ZNF536: variants seen among roughly 807,000 people sequenced by gnomAD.
ZNF536 encodes zinc finger protein 536.
Under a neutral mutation model 84.5 loss-of-function variants are expected in ZNF536, and 13 were observed. That is an observed-to-expected ratio of 0.15 (90% CI 0.10 to 0.24). The LOEUF is 0.24. ZNF536 is among the 10% of genes least tolerant of loss of function. The pLI is 1.00. For synonymous variants in ZNF536, 811 were observed against 742.5 expected (o/e 1.09, Z -1.50); for missense variants, 1,536 against 1,747.5 (o/e 0.88, Z 2.16).
chr19:30,273,538 T>C (rs766530659), intron 1 of ZNF536, among the ~76,000 whole-genome samples: 14 of 152,242 alleles, frequency 9.2e-5, no homozygotes, highest in Non-Finnish European at 1.6e-4. Context: ...TATATCTTCT[T>C]TGGGGACGTA....
chr19:30,393,196 G>A (rs2049672639), intron 1 of ZNF536, among the ~76,000 whole-genome samples: 1 of 152,038 alleles, frequency 6.6e-6, no homozygotes, highest in South Asian at 2.1e-4. Flanking sequence ...CTGTGTTGAG[G>A]TTCCTGCTCA....
intron 1 of ZNF536, among the ~76,000 whole-genome samples, chr19:30,679,599 C>T (rs2050888153): frequency 6.6e-6 from 1 of 152,148 alleles, no homozygotes; most frequent in Admixed American, 6.5e-5. Context: ...GAGGCAGAGC[C>T]CTTGGTGTGG....
chr19:30,354,995 C>T (rs1209299893), intron 3 of ZNF536, among the ~76,000 whole-genome samples: 6 of 152,202 alleles, frequency 3.9e-5, no homozygotes, highest in Non-Finnish European at 8.8e-5. Context: ...CAATGCCCTC[C>T]CGATTCTTTG....
At chr19:30,572,781 C>G (rs1420664478) in intron 1 of ZNF536, among the ~76,000 whole-genome samples, 1 of 152,076 alleles carries the variant, frequency 6.6e-6, no homozygotes, top group Admixed American at 6.5e-5. Context: ...ATGAGAAGGT[C>G]AGGATTCTAT....
intron 1 of ZNF536, among the ~76,000 whole-genome samples, chr19:30,693,046 G>C (rs1472938827): frequency 1.3e-5 from 2 of 151,970 alleles, no homozygotes; most frequent in African/African-American, 4.8e-5. Context: ...GAGAGAGAGA[G>C]AGAGTGTGTG....
At chr19:30,427,622 T>C (rs757326488) in intron 1 of ZNF536, among the ~76,000 whole-genome samples, 4 of 152,100 alleles carry the variant, frequency 2.6e-5, no homozygotes, top group Non-Finnish European at 4.4e-5. Context: ...CTCGGGGTCA[T>C]GTAGAAAGCA....
chr19:30,535,974 C>T (rs975914452), intron 3 of ZNF536, among the ~76,000 whole-genome samples: 6 of 152,100 alleles, frequency 3.9e-5, no homozygotes, highest in African/African-American at 1.2e-4. Flanking sequence ...CTCACCTGGT[C>T]CCCACAAATC....
At chr19:30,270,053 G>A (rs1363755109) in intron 1 of ZNF536, among the ~76,000 whole-genome samples, 1 of 152,090 alleles carries the variant, frequency 6.6e-6, no homozygotes, top group Non-Finnish European at 1.5e-5. Context: ...TACTTCTAAG[G>A]CGAATTCATC....
chr19:30,337,355 G>A (rs781568605), intron 2 of ZNF536, among the ~76,000 whole-genome samples: 21 of 152,170 alleles, frequency 1.4e-4, no homozygotes, highest in South Asian at 2.1e-4. Context: ...GTCTGTGTCC[G>A]CATGAACTGT....
chr19:30,330,051 AG>A (rs1226223679), intron 2 of ZNF536, among the ~76,000 whole-genome samples: 1 of 152,196 alleles, frequency 6.6e-6, no homozygotes, highest in African/African-American at 2.4e-5. Flanking sequence ...GGTATACAGT[AG>A]GCATTCAATA....
intron 1 of ZNF536, among the ~76,000 whole-genome samples, chr19:30,595,992 G>T (rs1270435878): frequency 6.6e-6 from 1 of 152,088 alleles, no homozygotes; most frequent in Non-Finnish European, 1.5e-5. Context: ...AGCCCCCATG[G>T]ACCCCTCACT....
Position 30,460,229 on chromosome 19 carries a change from A to T in ZNF536, c.2170+14497A>T, listed in dbSNP as rs1053235552. 2.0e-5 allele frequency among the ~76,000 whole-genome samples: 3 copies of T among 152,326 alleles called. No homozygotes were observed. In the South Asian group the frequency reaches 6.2e-4, roughly 32 times the overall value. On this transcript the variant is annotated intron_variant, in intron 2 of 4. Coordinates refer to ENST00000355537, the MANE Select transcript of ZNF536 (RefSeq NM_014717.3). ...CCACTTGGTTCATGGCAAGGAAGTT[A>T]GTCCTTGGAGGAGTGGGAAAGAGAG...
intron 1 of ZNF536, among the ~76,000 whole-genome samples, chr19:30,379,733 G>A (rs909602001): frequency 5.9e-5 from 9 of 151,946 alleles, no homozygotes; most frequent in African/African-American, 1.9e-4. Flanking sequence ...AGATGCCATA[G>A]GTGGGAGTAC....
intron 1 of ZNF536, among the ~76,000 whole-genome samples, chr19:30,417,774 T>G (rs1251729871): frequency 1.3e-5 from 2 of 152,170 alleles, no homozygotes; most frequent in African/African-American, 4.8e-5. Context: ...TTTTTGTTTG[T>G]TTTTAGACAG....
At chr19:30,245,750 G>A (rs964443911) in intron 1 of ZNF536, among the ~76,000 whole-genome samples, 1 of 152,238 alleles carries the variant, frequency 6.6e-6, no homozygotes, top group Non-Finnish European at 1.5e-5. Context: ...GTTATGATAG[G>A]GACAGGCTTA....
chr19:30,651,946 T>A (rs1432820000), intron 1 of ZNF536, among the ~76,000 whole-genome samples: 1 of 152,218 alleles, frequency 6.6e-6, no homozygotes, highest in East Asian at 1.9e-4. Context: ...TAAGAGCTGG[T>A]TACAAGTACT....
chr19:30,629,910 T>C (rs1225105700), intron 1 of ZNF536, among the ~76,000 whole-genome samples: 1 of 152,196 alleles, frequency 6.6e-6, no homozygotes. Context: ...CAGAACCAGG[T>C]GATCTGAGCA....
At chr19:30,318,218 T>C (rs972067338) in intron 2 of ZNF536, among the ~76,000 whole-genome samples, 5 of 152,254 alleles carry the variant, frequency 3.3e-5, no homozygotes, top group Non-Finnish European at 7.3e-5. Context: ...CAGTTGCATA[T>C]TTGCCCAGAA....
rs935020972 is a variant in ZNF536 at position 30,417,209 on chromosome 19, C to T, written c.-2-26352C>T. Among the ~76,000 whole-genome samples the T allele has an allele frequency of 3.8e-5, 5 of 130,764 alleles. No individual in the cohort carries two copies. The Admixed American group carries it at 4.3e-4, about 11-fold the overall frequency. 85.8% of individuals were successfully genotyped at this position (130,764 alleles called of 152,430 possible). ...ACAGGGTTTCACTATGTTGGCCAGG[C>T]TGGTCTTGAACTCCTGACTTCAGGT... On this transcript the variant is annotated intron_variant, in intron 1 of 4. Transcript: ENST00000355537.
Sources: allele counts gnomAD v4.1 joint callset (sites outside exome capture counted in the v4.1 genomes callset), GRCh38; gene constraint gnomAD v4.1.1; transcripts MANE v1.5; gene names NCBI Gene and HGNC (gene_info 2026-07-23, HGNC 2026-07-21).